The following METAP1 variants were observed in gnomAD, a reference collection of about 807,000 sequenced individuals.
The protein encoded by METAP1 is methionyl aminopeptidase 1, also known as methionine aminopeptidase 1.
A neutral mutation model predicts 53.8 loss-of-function variants in METAP1; 28 were observed. The ratio of observed to expected loss-of-function variants is 0.52; its 90% CI spans 0.39 to 0.71. The LOEUF is 0.71. Among genes scored for constraint, METAP1 ranks in the 30% least tolerant of loss-of-function variants. The pLI, the probability that METAP1 is intolerant of heterozygous loss-of-function variation, is 0.00. For missense variants in METAP1, 389 were observed against 479.8 expected, an observed-to-expected ratio of 0.81 and a Z score of 1.77; for synonymous variants, 181 against 165.7, an observed-to-expected ratio of 1.09 and a Z score of -0.71.
chr4:99,038,183 C>A (rs1452845633), intron 4 of METAP1, among the ~76,000 whole-genome samples: 4 of 151,878 alleles, frequency 2.6e-5, no homozygotes, highest in Non-Finnish European at 2.9e-5. Flanking sequence ...GGTCATTTAC[C>A]AGGTGATTCT....
intron 4 of METAP1, among the ~76,000 whole-genome samples, chr4:99,038,932 C>T (rs931042378): frequency 6.6e-6 from 1 of 152,094 alleles, no homozygotes; most frequent in Non-Finnish European, 1.5e-5. Flanking sequence ...AGGTCACAAA[C>T]TGGAGATTGA....
At chr4:99,048,932 T>C (rs1404771133) in intron 9 of METAP1, 56 bp downstream of exon 9, 8 of 1,560,524 alleles carry the variant, frequency 5.1e-6, no homozygotes, top group East Asian at 2.2e-5. Flanking sequence ...CAAATACTTA[T>C]TCATACATTT....
At chr4:99,050,201 G>A in intron 9 of METAP1, among the ~76,000 whole-genome samples, 1 of 152,148 alleles carries the variant, frequency 6.6e-6, no homozygotes, top group East Asian at 1.9e-4. Flanking sequence ...GAAAAACAGA[G>A]AAAATATAAG....
intron 1 of METAP1, among the ~76,000 whole-genome samples, chr4:99,006,189 G>T (rs1422698074): frequency 6.6e-6 from 1 of 152,162 alleles, no homozygotes; most frequent in East Asian, 1.9e-4. Context: ...ATTTAAAAGG[G>T]TTTAACTGTC....
At chr4:99,022,453 G>T in intron 1 of METAP1, 1 of 627,254 alleles carries the variant, frequency 1.6e-6, no homozygotes, top group Non-Finnish European at 2.8e-6. Context: ...TACTGGCTGT[G>T]CTGCTTTCCG....
At chr4:99,022,976 T>C in intron 1 of METAP1, 1 of 1,479,032 alleles carries the variant, frequency 6.8e-7, no homozygotes, top group African/African-American at 1.4e-5. Flanking sequence ...TGTGGTGGGA[T>C]ATGGCCCAGG....
intron 1 of METAP1, among the ~76,000 whole-genome samples, chr4:99,001,978 A>G (rs957492466): frequency 2.0e-5 from 3 of 152,256 alleles, no homozygotes; most frequent in Non-Finnish European, 4.4e-5. Context: ...TTGGTAGGCA[A>G]TCAAAAGTTA....
intron 6 of METAP1, among the ~76,000 whole-genome samples, chr4:99,042,907 A>G (rs890277922): frequency 7.2e-5 from 11 of 152,110 alleles, no homozygotes; most frequent in Non-Finnish European, 2.9e-5. Context: ...TTGAAATTCT[A>G]AATGCTCCAA....
chr4:98,996,004 C>T (rs987884192), intron 1 of METAP1, 137 bp downstream of exon 1: 11 of 710,724 alleles, frequency 1.5e-5, no homozygotes, highest in South Asian at 1.3e-4. Flanking sequence ...CTCCTCCCCC[C>T]ACCCGCGTCG....
At chr4:99,024,891 G>C (rs895043472) in intron 1 of METAP1, among the ~76,000 whole-genome samples, 1 of 152,010 alleles carries the variant, frequency 6.6e-6, no homozygotes, top group Non-Finnish European at 1.5e-5. Flanking sequence ...CATGGACTTG[G>C]GGGTGGTGGG....
At chr4:99,024,497 T>G (rs534990206) in intron 1 of METAP1, among the ~76,000 whole-genome samples, 4 of 152,234 alleles carry the variant, frequency 2.6e-5, no homozygotes, top group Admixed American at 2.0e-4. Flanking sequence ...GATGAAATCA[T>G]AGAGAGTCAA....
chr4:98,999,868 T>C (rs1416136984), intron 1 of METAP1, among the ~76,000 whole-genome samples: 1 of 152,166 alleles, frequency 6.6e-6, no homozygotes, highest in Non-Finnish European at 1.5e-5. Flanking sequence ...CCAGTTTTAC[T>C]TGAAAATTGA....
At chr4:99,040,379 G>T (rs953737459) in intron 5 of METAP1, among the ~76,000 whole-genome samples, 6 of 152,014 alleles carry the variant, frequency 3.9e-5, no homozygotes, top group African/African-American at 1.2e-4. Flanking sequence ...TCTATTCAGT[G>T]CTTTAAAAGT....
At chr4:99,002,217 G>GA (rs1722954572) in intron 1 of METAP1, among the ~76,000 whole-genome samples, 1 of 152,196 alleles carries the variant, frequency 6.6e-6, no homozygotes, top group South Asian at 2.1e-4. Flanking sequence ...ATATTCGGAA[G>GA]AAAAGCAGTG....
chr4:99,027,983 T>C (rs986044301), intron 1 of METAP1, among the ~76,000 whole-genome samples: 55 of 152,258 alleles, frequency 3.6e-4, no homozygotes, highest in African/African-American at 1.2e-3. Context: ...GCTTTTTTTT[T>C]CCTTAACTTT....
At chr4:99,007,965 G>T (rs527899873) in intron 1 of METAP1, among the ~76,000 whole-genome samples, 1 of 152,148 alleles carries the variant, frequency 6.6e-6, no homozygotes, top group African/African-American at 2.4e-5. Context: ...GCTTCCTCCT[G>T]TAATGTCCTT....
chr4:99,049,024 C>A, intron 9 of METAP1, 148 bp downstream of exon 9: 4 of 1,048,424 alleles, frequency 3.8e-6, no homozygotes, highest in Non-Finnish European at 5.6e-6. Flanking sequence ...TTTGCTGAAA[C>A]ACAGTGCAAG....
At chr4:99,003,566 ATG>A (rs1560691166) in intron 1 of METAP1, among the ~76,000 whole-genome samples, 1 of 152,218 alleles carries the variant, frequency 6.6e-6, no homozygotes, top group African/African-American at 2.4e-5. Flanking sequence ...AAAAATGTGA[ATG>A]TTGTTACATG....
At chr4:99,041,200 A>G in intron 6 of METAP1, 74 bp downstream of exon 6, 2 of 1,058,188 alleles carry the variant, frequency 1.9e-6, no homozygotes, top group South Asian at 3.6e-5. Context: ...CATTAAGTAG[A>G]TTTAAGTTCT....
Sources: allele counts gnomAD v4.1 joint callset (sites outside exome capture counted in the v4.1 genomes callset), GRCh38; gene constraint gnomAD v4.1.1; transcripts MANE v1.5; gene names NCBI Gene and HGNC (gene_info 2026-07-23, HGNC 2026-07-21).